The following ARHGAP27 variants were observed in gnomAD, a reference collection of about 807,000 sequenced individuals.
ARHGAP27 encodes Rho GTPase activating protein 27, also known as rho GTPase-activating protein 27.
In ARHGAP27, 53 loss-of-function variants were observed where a neutral mutation model predicts 102.0. The observed-to-expected ratio is 0.52, with a 90% confidence interval of 0.42 to 0.65. The LOEUF (loss-of-function observed/expected upper bound fraction) is 0.65. Ranked by LOEUF, ARHGAP27 falls within the 30% of genes least tolerant of loss-of-function variation. The pLI is 0.00. For missense variants in ARHGAP27, 1,117 were observed against 1,256.2 expected (o/e 0.89, Z 1.68); for synonymous variants, 525 against 542.8 (o/e 0.97, Z 0.46).
At position 45,396,128 on chromosome 17, in the gene ARHGAP27, G is replaced by C. The variant is rs566282590; in HGVS notation, c.2252-11C>G. On this transcript the variant is annotated splice_polypyrimidine_tract_variant and intron_variant, in intron 17 of 19. Coordinates refer to ENST00000685559, the MANE Select transcript of ARHGAP27 (RefSeq NM_001282290.2). ...GGTCAAGGCGCTCATCTGTGGCGGAGGAAGGGAGGAGGACGGAAGGGAAAT... is the reference window on the plus strand; with the variant it reads ...GGTCAAGGCGCTCATCTGTGGCGGACGAAGGGAGGAGGACGGAAGGGAAAT... 6.2e-7 allele frequency: 1 copy of C among 1,607,038 alleles called. No individual in the cohort carries two copies. The highest frequency in any genetic ancestry group is 2.2e-5 in the East Asian group (1 of 44,796).
rs1186493488 is a variant in ARHGAP27, at chr17:45,429,886, G to T, written c.394C>A (p.Arg132Ser). ...GPAQRGAATQRSSLAPGLPAC... is the reference protein window; with the variant it reads ...GPAQRGAATQSSSLAPGLPAC... ...GGCAGGCCGGGCGCCAGGCTGCTGC[G>T]CTGGGTCGCGGCGCCGCGTTGCGCA... The change falls in exon 4 of 20, where the codon CGC becomes AGC. Residue 132 changes from arginine (R) to serine (S), a missense_variant. Arg to Ser is a moderately radical substitution (Grantham distance 110). Transcript: ENST00000685559. 18 of 1,210,530 alleles carry T rather than the reference G, an allele frequency of 1.5e-5. No individual in the cohort carries two copies. The highest frequency in any genetic ancestry group is 6.6e-5 in the African/African-American group (4 of 60,710). The allele number at this position is 1,210,530 out of a possible 1,614,324, so 75.0% of individuals were successfully genotyped here.
In ARHGAP27 at chr17:45,396,770, C is replaced by A. The variant is rs368827618; in HGVS notation, c.1972G>T (p.Val658Leu). ...PNAAAPALGP[V>L]GLESDLSKVR... ...TTGCTCAAGTCGCTCTCCAGGCCCA[C>A]GGGGCCCAGGGCGGGCGCGGCTGCC... Residue 658 changes from valine to leucine, a missense_variant, in exon 15 of 20, where the codon GTG becomes TTG. Coordinates refer to ENST00000685559, the MANE Select transcript of ARHGAP27 (RefSeq NM_001282290.2). 7 of 1,612,896 alleles carry A rather than the reference C, an allele frequency of 4.3e-6. No homozygotes were observed. Among genetic ancestry groups the A allele is most frequent in the Admixed American group, 3.3e-5 (2 of 59,946 alleles).
In ARHGAP27 at chr17:45,395,685, G is replaced by A. The variant is rs1329627402; in HGVS notation, c.2493-52C>T. On this transcript the variant is annotated intron_variant, in intron 19 of 19. Transcript: ENST00000685559. Reference sequence around the variant, plus strand: ...GCTCCGAACTGCGAACTGCGGGGAGGCGCTGGGGGCTTCAGCCGGGACCTG... The same window carrying A: ...GCTCCGAACTGCGAACTGCGGGGAGACGCTGGGGGCTTCAGCCGGGACCTG... 2.5e-6 allele frequency: 4 copies of A among 1,569,860 alleles called. No homozygotes were observed. In the Middle Eastern group the frequency reaches 5.1e-4, roughly 202 times the overall value.
Position 45,396,534 on chromosome 17 carries a change from CG to C in ARHGAP27, c.2125del (p.Arg709GlyfsTer63). ...LAALCERERS[R>X]VPRFVQQCIR... is the part of the protein sequence containing the mutation. ...GCACTGCTGCACGAAGCGTGGCACC[CG>C]GCTCCTCTCGCGCTCACACAGCGCG... is the stretch of plus-strand genomic sequence containing the variant. On this transcript the variant is annotated frameshift_variant, in exon 16 of 20. Coordinates refer to ENST00000685559, the MANE Select transcript of ARHGAP27 (RefSeq NM_001282290.2). LOFTEE classifies it high-confidence loss of function. 6.3e-7 allele frequency: 1 copy of C among 1,587,114 alleles called. No homozygotes were observed. Among genetic ancestry groups the C allele is most frequent in the Non-Finnish European group, 8.5e-7 (1 of 1,172,016 alleles).
rs560038379 is a variant in ARHGAP27 at position 45,395,889 on chromosome 17, G to C, written c.2387-40C>G. 5.1e-6 allele frequency: 8 copies of C among 1,582,182 alleles called. No individual in the cohort carries two copies. The South Asian group carries it at 5.7e-5, about 11-fold the overall frequency. On this transcript the variant is annotated intron_variant, in intron 18 of 19. Transcript: ENST00000685559. ...GTTTAGAGGGAGGGAGTCGGAACGG[G>C]AGGTAGGGGGTATCGGCTGGGCGAG...
chr17:45,414,269 C>G (rs1370459504), intron 4 of ARHGAP27, among the ~76,000 whole-genome samples: 2 of 152,154 alleles, frequency 1.3e-5, no homozygotes, highest in African/African-American at 4.8e-5. Context: ...TCCCCCTCCC[C>G]CAGTGGAAGG....
Position 45,396,594 on chromosome 17 carries a change from G to C in ARHGAP27, c.2075-9C>G. 6.2e-7 allele frequency: 1 copy of C among 1,609,414 alleles called. No individual in the cohort carries two copies. Among genetic ancestry groups the C allele is most frequent in the South Asian group, 1.1e-5 (1 of 90,858 alleles). On this transcript the variant is annotated splice_polypyrimidine_tract_variant and intron_variant, in intron 15 of 19. Transcript: ENST00000685559. ...GCAGCCGAACACCTGGTCTAGGGCA[G>C]AGGCTCATCAGCTCCTGCCCAGCCT...
At chr17:45,420,280 A>G (rs994412911) in intron 4 of ARHGAP27, among the ~76,000 whole-genome samples, 3 of 148,054 alleles carry the variant, frequency 2.0e-5, no homozygotes, top group Non-Finnish European at 1.5e-5. Context: ...TCAAAGAAAT[A>G]AAAAGTAAAC....
Position 45,397,017 on chromosome 17 carries a change from T to G in ARHGAP27, c.1850A>C (p.Glu617Ala). The G allele has an allele frequency of 6.2e-7, 1 of 1,603,170 alleles. No homozygotes were observed. The highest frequency in any genetic ancestry group is 1.1e-5 in the South Asian group (1 of 91,086). Residue 617 changes from glutamate (E) to alanine (A), a missense_variant, in exon 14 of 20, where the codon GAG becomes GCG. By Grantham distance (107) the Glu-to-Ala change is moderately radical (BLOSUM62 -1). Transcript: ENST00000685559. The stretch of plus-strand genomic sequence containing the variant: ...GCTCTCGCTCTCCTCTGGGGGCAGC[T>G]CTGCGGACTGGATTCCCATAGCCTC... ...IAQGIQELSA[E>A]LPPEESESSR...
At chr17:45,411,643 C>A (rs1395002792) in intron 4 of ARHGAP27, among the ~76,000 whole-genome samples, 2 of 152,128 alleles carry the variant, frequency 1.3e-5, no homozygotes. Context: ...ATCCCCTGTA[C>A]CCGACTCAGA....
intron 16 of ARHGAP27, 55 bp from the exon 17 acceptor site, chr17:45,396,339 T>C: frequency 1.3e-6 from 2 of 1,537,862 alleles, no homozygotes; most frequent in East Asian, 4.6e-5. Flanking sequence ...AGGGTGGGGC[T>C]ACGGGTCCCT....
At chr17:45,399,591 C>CAAAGAAAAGAAAAGAAAAGAAAAGA (rs60195760) in intron 12 of ARHGAP27, among the ~76,000 whole-genome samples, 15,325 of 141,100 alleles carry the variant, frequency 0.11, 1,145 homozygotes, top group Admixed American at 0.13. Flanking sequence ...CACTCTGTCT[C>CAAAGAAAAGAAAAGAAAAGAAAAGA]AAAGAAAAGA....
At chr17:45,399,864 T>C (rs2046240835) in intron 12 of ARHGAP27, among the ~76,000 whole-genome samples, 1 of 152,208 alleles carries the variant, frequency 6.6e-6, no homozygotes. Flanking sequence ...TAGCAATGTA[T>C]TTCACAAAAT....
In ARHGAP27 at chr17:45,432,854, C is replaced by G. The variant is rs1281894060; in HGVS notation, c.-387G>C. 1.3e-5 allele frequency: 2 copies of G among 153,914 alleles called. No individual in the cohort carries two copies. The highest frequency in any genetic ancestry group is 2.9e-5 in the Non-Finnish European group (2 of 68,208). 9.5% of individuals were successfully genotyped at this position (153,914 alleles called of 1,614,324 possible). ...CTCGACTGTGCGGCTCCCGCGCTGCCGGGTTTCCTGTTCAACAATATAACC... is the reference window on the plus strand; with the variant it reads ...CTCGACTGTGCGGCTCCCGCGCTGCGGGGTTTCCTGTTCAACAATATAACC... On this transcript the variant is annotated 5_prime_UTR_variant, in exon 1 of 20. Transcript: ENST00000685559.
At position 45,405,938 on chromosome 17, in the gene ARHGAP27, G is replaced by C; in HGVS notation, c.803C>G (p.Pro268Arg). The change falls in exon 5 of 20, where the codon CCA (proline) becomes CGA (arginine). Residue 268 changes from proline to arginine, a missense_variant. By Grantham distance (103) the Pro-to-Arg change is moderately radical (BLOSUM62 -2). Coordinates refer to ENST00000685559, the MANE Select transcript of ARHGAP27 (RefSeq NM_001282290.2). ...CTCCCAGGTGGTAACTCCCGTGTCT[G>C]GGTTGTAGTAGTAGGGGCGCCCGGT... The part of the protein sequence containing the change: ...AGTGRPYYYN[P>R]DTGVTTWESP... The C allele has an allele frequency of 2.0e-6, 3 of 1,535,946 alleles. No individual in the cohort carries two copies. The highest frequency in any genetic ancestry group is 2.6e-6 in the Non-Finnish European group (3 of 1,146,816).
In ARHGAP27 at chr17:45,406,007, G is replaced by T; in HGVS notation, c.734C>A (p.Ala245Asp). ...CTCCCACACCGGGCTGGGAAGGGGG[G>T]CTGCAGCGGCGCCCGGTGAAGTGGC... ...PRATSPGAAA[A>D]PLPSPVWETH... The change falls in exon 5 of 20, where the codon GCC becomes GAC. Residue 245 changes from alanine (A) to aspartate (D), a missense_variant. This residue lies in a region of ARHGAP27 where 610 missense variants were observed against 716.4 expected (regional missense o/e 0.85). Coordinates refer to ENST00000685559, the MANE Select transcript of ARHGAP27 (RefSeq NM_001282290.2). The T allele has an allele frequency of 6.5e-7, 1 of 1,535,168 alleles. No individual in the cohort carries two copies. Among genetic ancestry groups the T allele is most frequent in the South Asian group, 1.2e-5 (1 of 83,976 alleles).
At chr17:45,416,729 A>T (rs1015566469) in intron 4 of ARHGAP27, among the ~76,000 whole-genome samples, 4 of 151,240 alleles carry the variant, frequency 2.6e-5, no homozygotes, top group African/African-American at 9.7e-5. Flanking sequence ...TTGTATTTTT[A>T]GTAGAGACAG....
intron 4 of ARHGAP27, among the ~76,000 whole-genome samples, chr17:45,417,307 T>C (rs1368508974): frequency 1.4e-5 from 2 of 148,046 alleles, no homozygotes; most frequent in African/African-American, 2.5e-5. Flanking sequence ...CTATTAAAAA[T>C]ACAAAAATTA....
At position 45,430,857 on chromosome 17, in the gene ARHGAP27, G is replaced by T. The variant is rs12939187; in HGVS notation, c.-18-560C>A. ...TGGAATGTGGGCTCTGTAGGGGGCC[G>T]AGCGAACAGCTCTACCTGGGGGCTG... On this transcript the variant is annotated intron_variant, in intron 3 of 19. Coordinates refer to ENST00000685559, the MANE Select transcript of ARHGAP27 (RefSeq NM_001282290.2). The surrounding 1 kb of genome is among the most constrained non-coding windows in gnomAD (Gnocchi z 4.4). Among the ~76,000 whole-genome samples the T allele has an allele frequency of 0.13, 19,413 of 152,112 alleles. 1,582 individuals carry two copies. Among genetic ancestry groups the T allele is most frequent in the Middle Eastern group, 0.21 (60 of 292 alleles).
Sources: gnomAD v4.1 joint callset for allele counts (sites outside exome capture counted in the v4.1 genomes callset) on GRCh38, gnomAD v4.1.1 for gene constraint, gnomAD v4.1.1 regional missense constraint, Gnocchi (gnomAD v3.1) non-coding constraint, MANE v1.5 for transcripts, NCBI Gene and HGNC (gene_info 2026-07-23, HGNC 2026-07-21) for gene names.